The following CHCHD3 variants were observed in gnomAD, a reference collection of about 807,000 sequenced individuals.
The protein encoded by CHCHD3 is MICOS complex subunit MIC19.
A neutral mutation model predicts 38.2 loss-of-function variants in CHCHD3; 20 were observed. The observed-to-expected ratio is 0.52, with a 90% CI of 0.37 to 0.76. CHCHD3 has a LOEUF of 0.76. Ranked by LOEUF, CHCHD3 falls within the 30% of genes least tolerant of loss-of-function variation. The pLI is 0.00. For missense variants in CHCHD3, 245 were observed against 279.2 expected, an observed-to-expected ratio of 0.88 and a Z score of 0.87; for synonymous variants, 82 against 100.0, an observed-to-expected ratio of 0.82 and a Z score of 1.07.
At chr7:132,928,006 T>C (rs1317688049) in intron 4 of CHCHD3, among the ~76,000 whole-genome samples, 1 of 152,106 alleles carries the variant, frequency 6.6e-6, no homozygotes, top group Non-Finnish European at 1.5e-5. Context: ...CCTTCTCTCA[T>C]CGAGGCACAG....
At chr7:133,071,351 T>G (rs946061598) in intron 1 of CHCHD3, among the ~76,000 whole-genome samples, 3 of 152,048 alleles carry the variant, frequency 2.0e-5, no homozygotes, top group African/African-American at 7.2e-5. Context: ...AGCAAGAAAA[T>G]AGAGAGAGGG....
At chr7:132,848,193 C>A (rs112270156) in intron 5 of CHCHD3, among the ~76,000 whole-genome samples, 8 of 152,200 alleles carry the variant, frequency 5.3e-5, no homozygotes, top group African/African-American at 1.9e-4. Flanking sequence ...ACACAAGTGT[C>A]ACTCTAGGTG....
chr7:133,079,211 A>G (rs765816911), intron 1 of CHCHD3, among the ~76,000 whole-genome samples: 5 of 152,230 alleles, frequency 3.3e-5, no homozygotes, highest in Non-Finnish European at 7.3e-5. Context: ...TCACATATCC[A>G]TTCTTTTGAA....
At chr7:132,802,185 T>G (rs1044560734) in intron 6 of CHCHD3, among the ~76,000 whole-genome samples, 2 of 152,086 alleles carry the variant, frequency 1.3e-5, no homozygotes, top group African/African-American at 2.4e-5. Flanking sequence ...ATTGGGTCCT[T>G]GGAAATGATG....
intron 2 of CHCHD3, among the ~76,000 whole-genome samples, chr7:133,069,352 G>A (rs1814755575): frequency 6.6e-6 from 1 of 152,040 alleles, no homozygotes; most frequent in Admixed American, 6.5e-5. Context: ...ATGGCATTTG[G>A]GCAGGATCTC....
In CHCHD3 at chr7:132,910,962, A is replaced by G. The variant is rs1363301534; in HGVS notation, c.370-25217T>C. Among the ~76,000 whole-genome samples, 7 of 152,220 alleles carry G rather than the reference A, an allele frequency of 4.6e-5. No individual in the cohort carries two copies. In the East Asian group the frequency reaches 1.2e-3, roughly 25 times the overall value. ...ATGCTAAGGGTGAAAGAGTAACACAAGGAGAAGAAAAACTAACAGAAAACC... is the reference window on the plus strand; with the variant it reads ...ATGCTAAGGGTGAAAGAGTAACACAGGGAGAAGAAAAACTAACAGAAAACC... On this transcript the variant is annotated intron_variant, in intron 4 of 7. Transcript: ENST00000262570.
At chr7:133,004,656 T>G (rs1410796028) in intron 3 of CHCHD3, among the ~76,000 whole-genome samples, 2 of 152,122 alleles carry the variant, frequency 1.3e-5, no homozygotes, top group Non-Finnish European at 2.9e-5. Context: ...AACAATTAAG[T>G]AGCAGATGAA....
intron 1 of CHCHD3, among the ~76,000 whole-genome samples, chr7:133,075,605 G>A (rs1339448987): frequency 1.3e-5 from 2 of 152,104 alleles, no homozygotes; most frequent in Non-Finnish European, 2.9e-5. Flanking sequence ...TCTGTGAACA[G>A]GGGTACTCAC....
At position 132,951,587 on chromosome 7, in the gene CHCHD3, A is replaced by C. The variant is rs546245476; in HGVS notation, c.369+23582T>G. ...GTATGTAGGGTATGTAGTAGGATAT[A>C]CCATCTAGGTTTGTGTAAGTACATT... On this transcript the variant is annotated intron_variant, in intron 4 of 7. Coordinates refer to ENST00000262570, the MANE Select transcript of CHCHD3 (RefSeq NM_017812.4). 5.3e-5 allele frequency among the ~76,000 whole-genome samples: 8 copies of C among 152,336 alleles called. No homozygotes were observed. In the South Asian group the frequency reaches 1.7e-3, roughly 32 times the overall value.
intron 6 of CHCHD3, among the ~76,000 whole-genome samples, chr7:132,831,886 A>G (rs975457572): frequency 6.6e-6 from 1 of 152,156 alleles, no homozygotes; most frequent in African/African-American, 2.4e-5. Context: ...ATCTTTAAAC[A>G]CCATTGCTTA....
At chr7:132,845,854 G>A (rs1483401747) in intron 5 of CHCHD3, among the ~76,000 whole-genome samples, 1 of 152,082 alleles carries the variant, frequency 6.6e-6, no homozygotes, top group Admixed American at 6.6e-5. Context: ...TTTCTTATGG[G>A]TTATTTTTTA....
At chr7:133,052,583 A>C (rs2117503827) in intron 2 of CHCHD3, among the ~76,000 whole-genome samples, 1 of 152,352 alleles carries the variant, frequency 6.6e-6, no homozygotes, top group African/African-American at 2.4e-5. Flanking sequence ...TGACTAACGA[A>C]CTGTTAAAAT....
Position 133,035,876 on chromosome 7 carries a change from G to A in CHCHD3, c.170-11249C>T. On this transcript the variant is annotated intron_variant, in intron 2 of 7. Transcript: ENST00000262570. The surrounding 1 kb of genome is among the most constrained non-coding windows in gnomAD (Gnocchi z 4.7). ...ACTGAGCAGCGATGAGAGCCTTGAA[G>A]GCCCTCCAGTTTTCAGGATACGTGT... 2 of 1,612,884 alleles carry A rather than the reference G, an allele frequency of 1.2e-6. No homozygotes were observed. The highest frequency in any genetic ancestry group is 2.2e-5 in the South Asian group (2 of 91,018).
intron 4 of CHCHD3, among the ~76,000 whole-genome samples, chr7:132,906,128 C>T (rs1809799655): frequency 6.6e-6 from 1 of 152,142 alleles, no homozygotes; most frequent in Admixed American, 6.6e-5. Context: ...ATGATATATA[C>T]TTCAAAACAT....
chr7:132,878,304 C>T (rs1247612271), intron 5 of CHCHD3, among the ~76,000 whole-genome samples: 2 of 151,986 alleles, frequency 1.3e-5, no homozygotes, highest in Admixed American at 1.3e-4. Context: ...TATTTTTTCC[C>T]CAAGCTTCAC....
chr7:132,946,628 A>G (rs1207645141), intron 4 of CHCHD3, among the ~76,000 whole-genome samples: 1 of 151,876 alleles, frequency 6.6e-6, no homozygotes, highest in Non-Finnish European at 1.5e-5. Context: ...TTTTAATTAG[A>G]GTATAAATAT....
chr7:132,866,397 T>A (rs905215045), intron 5 of CHCHD3, among the ~76,000 whole-genome samples: 1 of 152,186 alleles, frequency 6.6e-6, no homozygotes, highest in African/African-American at 2.4e-5. Context: ...CCTAGAAAGC[T>A]GGAAAGGTTT....
At chr7:133,078,285 G>A (rs1487973259) in intron 1 of CHCHD3, among the ~76,000 whole-genome samples, 1 of 152,112 alleles carries the variant, frequency 6.6e-6, no homozygotes, top group Non-Finnish European at 1.5e-5. Flanking sequence ...CTCCAGCCTG[G>A]GTGACAGAGC....
At chr7:133,004,224 A>G (rs1022622466) in intron 3 of CHCHD3, among the ~76,000 whole-genome samples, 2 of 152,184 alleles carry the variant, frequency 1.3e-5, no homozygotes, top group Admixed American at 6.6e-5. Context: ...AGCCTCCCAA[A>G]GTGCTGGGAT....
Sources: allele counts gnomAD v4.1 joint callset (sites outside exome capture counted in the v4.1 genomes callset), GRCh38; gene constraint gnomAD v4.1.1; non-coding constraint Gnocchi (gnomAD v3.1); transcripts MANE v1.5; gene names NCBI Gene and HGNC (gene_info 2026-07-23, HGNC 2026-07-21).